Variants in RASAL1 observed in about 807,000 individuals in gnomAD.
RASAL1 encodes the protein rasGAP-activating-like protein 1.
A neutral mutation model predicts 96.6 loss-of-function variants in RASAL1; 72 were observed. The ratio of observed to expected loss-of-function variants is 0.75; its 90% CI spans 0.62 to 0.91. The LOEUF (loss-of-function observed/expected upper bound fraction) is 0.91. Ranked by LOEUF, RASAL1 falls within the 40% of genes least tolerant of loss-of-function variation. The pLI is 0.00. For synonymous variants in RASAL1, 405 were observed against 430.4 expected, an observed-to-expected ratio of 0.94 and a Z score of 0.73; for missense variants, 1,016 against 1,072.5, an observed-to-expected ratio of 0.95 and a Z score of 0.74.
At chr12:113,118,987 A>T in intron 7 of RASAL1, 141 bp downstream of exon 7, 2 of 1,077,218 alleles carry the variant, frequency 1.9e-6, no homozygotes, top group Non-Finnish European at 1.3e-6. Context: ...AAACTGCAAC[A>T]CTCAGGCCTA....
chr12:113,131,457 T>A (rs1452008333), intron 1 of RASAL1, among the ~76,000 whole-genome samples: 1 of 152,152 alleles, frequency 6.6e-6, no homozygotes, highest in African/African-American at 2.4e-5. Context: ...GCTTTAATGC[T>A]GTGTCCCCAG....
intron 14 of RASAL1, 122 bp downstream of exon 14, chr12:113,107,962 TC>T: frequency 8.7e-7 from 1 of 1,149,382 alleles, no homozygotes; most frequent in Non-Finnish European, 1.2e-6. Flanking sequence ...CGGTGGTGTT[TC>T]AGACTTGGGT....
In RASAL1 at chr12:113,115,889, A is replaced by C. The variant is rs968962926; in HGVS notation, c.849+45T>G. ...GAGGCAGGGGGAGGCCAGGATCCAGACCCCCGGCACCCGCCTGATAGCATT... is the reference window on the plus strand; with the variant it reads ...GAGGCAGGGGGAGGCCAGGATCCAGCCCCCCGGCACCCGCCTGATAGCATT... On this transcript the variant is annotated intron_variant, in intron 9 of 20. Coordinates refer to ENST00000548055, the MANE Select transcript of RASAL1 (RefSeq NM_001301202.2). This position sits in a 1 kb window ranked among gnomAD's most constrained non-coding sequence, Gnocchi z 4.1. 5.1e-6 allele frequency: 8 copies of C among 1,578,788 alleles called. No individual in the cohort carries two copies. Among genetic ancestry groups the C allele is most frequent in the Non-Finnish European group, 6.9e-6 (8 of 1,158,686 alleles).
At position 113,108,126 on chromosome 12, in the gene RASAL1, C is replaced by A. The variant is rs762631941; in HGVS notation, c.1471G>T (p.Ala491Ser). ...PKLFDLRDQH[A>S]DPQTSRSLLL... ...AGTGAGCGGCTAGTCTGGGGGTCCG[C>A]GTGTTGGTCCCGAAGGTCAAACAGC... The change falls in exon 14 of 21, where the codon GCG becomes TCG. Residue 491 changes from alanine (A) to serine (S), a missense_variant. Transcript: ENST00000548055. 1 of 1,613,720 alleles carries A rather than the reference C, an allele frequency of 6.2e-7. No homozygotes were observed. Among genetic ancestry groups the A allele is most frequent in the East Asian group, 2.2e-5 (1 of 44,854 alleles).
At position 113,107,195 on chromosome 12, in the gene RASAL1, T is replaced by C. The variant is rs1276795406; in HGVS notation, c.1559A>G (p.Lys520Arg). The change falls in exon 15 of 21, where the codon AAG (lysine) becomes AGG (arginine). Residue 520 changes from lysine (K) to arginine (R), a missense_variant. Physicochemically the swap from Lys to Arg is conservative, Grantham distance 26. Coordinates refer to ENST00000548055, the MANE Select transcript of RASAL1 (RefSeq NM_001301202.2). ...GNLGQQLGQG[K>R]ELWMAPLHPF... is the part of the protein sequence containing the mutation. ...GTGCAGGGGGGCCATCCACAGTTCC[T>C]TGCCTTGGCCCAGCTGCTGGCCCAG... The C allele has an allele frequency of 5.0e-6, 8 of 1,613,358 alleles. No homozygotes were observed. The highest frequency in any genetic ancestry group is 1.7e-5 in the Admixed American group (1 of 59,958).
At chr12:113,103,660 T>C (rs1950540770) in intron 18 of RASAL1, 1 of 502,404 alleles carries the variant, frequency 2.0e-6, no homozygotes, top group South Asian at 2.8e-5. Context: ...AACAAGCTCA[T>C]GATGTTTGAG....
chr12:113,110,807 C>T (rs940853804), intron 13 of RASAL1, among the ~76,000 whole-genome samples: 4 of 152,186 alleles, frequency 2.6e-5, no homozygotes, highest in East Asian at 3.9e-4. Flanking sequence ...GTCCCAGCAA[C>T]TCGGGAGGCT....
At chr12:113,133,287 C>G (rs917195737) in intron 1 of RASAL1, among the ~76,000 whole-genome samples, 16 of 152,216 alleles carry the variant, frequency 1.1e-4, no homozygotes, top group Admixed American at 5.9e-4. Context: ...GCCTCTCCCA[C>G]GGCCCCTGAC....
At chr12:113,116,165 T>C in intron 8 of RASAL1, 114 bp from the exon 9 acceptor site, 1 of 773,080 alleles carries the variant, frequency 1.3e-6, no homozygotes, top group Non-Finnish European at 2.0e-6. Context: ...AGGTCAGCAG[T>C]TTGTGACCAG....
rs1951886395 is a variant in RASAL1, at chr12:113,135,643, G to A, written c.-181C>T. The A allele has an allele frequency of 8.3e-6, 5 of 602,732 alleles. No homozygotes were observed. The East Asian group carries it at 8.5e-5, about 10-fold the overall frequency. 37.3% of individuals were successfully genotyped at this position (602,732 alleles called of 1,614,324 possible). A position where few individuals can be genotyped will look rare whatever the true frequency, so the allele number is the denominator to read the frequency against. On this transcript the variant is annotated 5_prime_UTR_variant, in exon 1 of 21. Transcript: ENST00000548055. This position sits in a 1 kb window ranked among gnomAD's most constrained non-coding sequence, Gnocchi z 5.7. The stretch of plus-strand genomic sequence containing the variant: ...AAAGAGGAGAAGGTGTAGGTGCCCG[G>A]GGAGGGAGCGCCCGTCCGGACTCTA...
chr12:113,123,113 C>T (rs555475766), intron 4 of RASAL1, among the ~76,000 whole-genome samples: 67 of 152,254 alleles, frequency 4.4e-4, no homozygotes, highest in African/African-American at 1.1e-3. Flanking sequence ...AATCTGTCTG[C>T]GTAATTACTT....
At chr12:113,134,352 G>A (rs1176482591) in intron 1 of RASAL1, among the ~76,000 whole-genome samples, 1 of 152,126 alleles carries the variant, frequency 6.6e-6, no homozygotes, top group African/African-American at 2.4e-5. Context: ...CACACCTTGG[G>A]GAATCAGCAC....
chr12:113,125,566 G>A (rs909462758), intron 4 of RASAL1, among the ~76,000 whole-genome samples: 7 of 152,184 alleles, frequency 4.6e-5, no homozygotes, highest in Non-Finnish European at 1.0e-4. Context: ...TCAGATACAC[G>A]ATCAAAAAGT....
chr12:113,131,589 AC>A (rs1951711291), intron 1 of RASAL1, among the ~76,000 whole-genome samples: 1 of 152,046 alleles, frequency 6.6e-6, no homozygotes, highest in Admixed American at 6.5e-5. Flanking sequence ...TTCAAAATCA[AC>A]CCTCGAAATC....
chr12:113,128,065 C>A lies in RASAL1; in HGVS notation c.236G>T (p.Gly79Val), dbSNP rs755977116. 1 of 1,613,768 alleles carries A rather than the reference C, an allele frequency of 6.2e-7. No individual in the cohort carries two copies. Among genetic ancestry groups the A allele is most frequent in the East Asian group, 2.2e-5 (1 of 44,882 alleles). Residue 79 changes from glycine (G) to valine (V), a missense_variant and splice_region_variant, in exon 3 of 21, where the codon GGG becomes GTG. Coordinates refer to ENST00000548055, the MANE Select transcript of RASAL1 (RefSeq NM_001301202.2). ...AFYVLDEDTVGHDDIIGKISL... is the reference protein window; with the variant it reads ...AFYVLDEDTVVHDDIIGKISL... ...CATTCCACTTTCCCCAACCACAAAC[C>A]CGACAGTGTCCTCATCCAGCACGTA...
intron 12 of RASAL1, among the ~76,000 whole-genome samples, chr12:113,113,793 G>A (rs559607221): frequency 6.6e-6 from 1 of 152,282 alleles, no homozygotes; most frequent in South Asian, 2.1e-4. Context: ...GAAGGTTCTG[G>A]AGAGAAAGGA....
chr12:113,115,355 GC>G lies in RASAL1; in HGVS notation c.1004-92del. 7.7e-7 allele frequency: 1 copy of G among 1,299,014 alleles called. No individual in the cohort carries two copies. The highest frequency in any genetic ancestry group is 1.1e-6 in the Non-Finnish European group (1 of 895,294). 80.5% of individuals were successfully genotyped at this position (1,299,014 alleles called of 1,614,324 possible). A position where few individuals can be genotyped will look rare whatever the true frequency, so the allele number is the denominator to read the frequency against. On this transcript the variant is annotated intron_variant, in intron 10 of 20. Coordinates refer to ENST00000548055, the MANE Select transcript of RASAL1 (RefSeq NM_001301202.2). This position sits in a 1 kb window ranked among gnomAD's most constrained non-coding sequence, Gnocchi z 4.1. The stretch of plus-strand genomic sequence containing the variant: ...CAAGGTGGGAGTCATGATTCTTCCA[GC>G]CCCAAGAATCAGGAAGACCCAAAAC...
chr12:113,123,742 C>A (rs1951381349), intron 4 of RASAL1, among the ~76,000 whole-genome samples: 1 of 152,140 alleles, frequency 6.6e-6, no homozygotes, highest in East Asian at 1.9e-4. Flanking sequence ...TGCCACCATG[C>A]CCATCTAATT....
chr12:113,100,507 C>T (rs1950402543), intron 20 of RASAL1, 121 bp downstream of exon 20: 1 of 824,692 alleles, frequency 1.2e-6, no homozygotes, highest in Non-Finnish European at 2.0e-6. Context: ...CCATGTTGGC[C>T]AAGCTGATCT....
Sources: gnomAD v4.1 joint callset for allele counts (sites outside exome capture counted in the v4.1 genomes callset) on GRCh38, gnomAD v4.1.1 for gene constraint, Gnocchi (gnomAD v3.1) non-coding constraint, MANE v1.5 for transcripts, NCBI Gene and HGNC (gene_info 2026-07-23, HGNC 2026-07-21) for gene names.